The following UAP1 variants were observed in gnomAD, a reference collection of about 807,000 sequenced individuals.
The protein encoded by UAP1 is UDP-N-acetylglucosamine pyrophosphorylase 1.
A neutral mutation model predicts 58.5 loss-of-function variants in UAP1; 25 were observed. The observed-to-expected ratio is 0.43, with a 90% CI of 0.31 to 0.60. UAP1 has a LOEUF of 0.60. Ranked by LOEUF, UAP1 falls within the 20% of genes least tolerant of loss-of-function variation. The pLI, the probability that UAP1 is intolerant of heterozygous loss-of-function variation, is 0.11. For synonymous variants in UAP1, 208 were observed against 213.0 expected (o/e 0.98, Z 0.21); for missense variants, 575 against 630.0 (o/e 0.91, Z 0.93).
chr1:162,570,696 T>C (rs1362288981), intron 2 of UAP1, among the ~76,000 whole-genome samples: 5 of 152,190 alleles, frequency 3.3e-5, no homozygotes, highest in Non-Finnish European at 7.3e-5. Flanking sequence ...TTTGGGGAAA[T>C]ATTGTAGTTT....
At chr1:162,571,176 T>A (rs914459420) in intron 2 of UAP1, among the ~76,000 whole-genome samples, 1 of 151,672 alleles carries the variant, frequency 6.6e-6, no homozygotes, top group East Asian at 1.9e-4. Context: ...TTGCCCAGGC[T>A]GGAGTGCAAT....
intron 2 of UAP1, among the ~76,000 whole-genome samples, chr1:162,576,084 C>T (rs576887468): frequency 1.3e-5 from 2 of 152,300 alleles, no homozygotes; most frequent in South Asian, 4.1e-4. Flanking sequence ...ATACCCCAAG[C>T]GCATTCTGTT....
intron 2 of UAP1, among the ~76,000 whole-genome samples, chr1:162,571,359 A>C (rs2101747828): frequency 6.6e-6 from 1 of 152,038 alleles, no homozygotes; most frequent in South Asian, 2.1e-4. Flanking sequence ...TGAACTCCTG[A>C]CCTCAAGTGA....
rs202234073 is a variant in UAP1, at chr1:162,563,858, T to C, written c.-58+2081T>C. On this transcript the variant is annotated intron_variant, in intron 1 of 10. Coordinates refer to ENST00000271469, the Ensembl canonical transcript of UAP1. ...CATGTGAGAAAGGTTGGTTGTCTTA[T>C]ATTCATGAGGAAATCTATGCACAGG... is the stretch of plus-strand genomic sequence containing the variant. Among the ~76,000 whole-genome samples the C allele has an allele frequency of 8.5e-5, 13 of 152,330 alleles. No homozygotes were observed. In the East Asian group the frequency reaches 2.5e-3, roughly 29 times the overall value.
At chr1:162,567,393 GT>G in intron 2 of UAP1, among the ~76,000 whole-genome samples, 2 of 152,290 alleles carry the variant, frequency 1.3e-5, no homozygotes, top group South Asian at 4.1e-4. Context: ...ATCAATAAGT[GT>G]TTGTTGAATT....
chr1:162,590,800 A>C (rs1443318408), intron 8 of UAP1, among the ~76,000 whole-genome samples: 3 of 151,872 alleles, frequency 2.0e-5, no homozygotes, highest in African/African-American at 7.3e-5. Flanking sequence ...AATGATCAGA[A>C]GATTTTTTTT....
At chr1:162,583,531 A>G (rs192481201) in intron 5 of UAP1, among the ~76,000 whole-genome samples, 23 of 152,282 alleles carry the variant, frequency 1.5e-4, no homozygotes, top group African/African-American at 5.3e-4. Flanking sequence ...ACTTTATGCA[A>G]TCAGAGAGTG....
exon 6 of UAP1, chr1:162,587,592 G>C (rs753137608): frequency 4.3e-6 from 7 of 1,614,048 alleles, no homozygotes; most frequent in Non-Finnish European, 5.9e-6. Flanking sequence ...ACGAAGCTCA[G>C]ACGGACGACT....
At chr1:162,567,805 G>A (rs1451948355) in intron 2 of UAP1, among the ~76,000 whole-genome samples, 1 of 151,856 alleles carries the variant, frequency 6.6e-6, no homozygotes, top group African/African-American at 2.4e-5. Context: ...TTGTTTCTTT[G>A]TGGTTTTTTT....
At chr1:162,566,231 G>A in exon 2 of UAP1, 1 of 1,614,098 alleles carries the variant, frequency 6.2e-7, no homozygotes, top group Non-Finnish European at 8.5e-7. Context: ...GGCCATTGAA[G>A]GTTTTAACCA....
rs111435526 is a variant in UAP1, at chr1:162,573,236, G to GT, written c.281-3535dup. On this transcript the variant is annotated intron_variant, in intron 2 of 10. Transcript: ENST00000271469. ...GAATGTTGGCTCTTCTTGCTCAACAGTTTTTTCATTTAGGATGGTGGGTAA... is the reference window on the plus strand; with the variant it reads ...GAATGTTGGCTCTTCTTGCTCAACAGTTTTTTTCATTTAGGATGGTGGGTAA... Among the ~76,000 whole-genome samples, 583 of 152,050 alleles carry GT rather than the reference G, an allele frequency of 3.8e-3. 2 individuals are homozygous for GT. The highest frequency in any genetic ancestry group is 0.013 in the African/African-American group (551 of 41,506).
chr1:162,571,270 A>G (rs1653847476), intron 2 of UAP1, among the ~76,000 whole-genome samples: 1 of 151,844 alleles, frequency 6.6e-6, no homozygotes, highest in Non-Finnish European at 1.5e-5. Context: ...CTGAGATTAT[A>G]GGCGCCTGCC....
intron 5 of UAP1, among the ~76,000 whole-genome samples, chr1:162,585,777 T>G (rs1247911559): frequency 4.3e-5 from 1 of 23,178 alleles, no homozygotes; most frequent in Non-Finnish European, 8.4e-5. Context: ...AATAAACCTG[T>G]GTGCGTTAAA....
At position 162,564,603 on chromosome 1, in the gene UAP1, C is replaced by T. The variant is rs569897060; in HGVS notation, c.-57-1409C>T. On this transcript the variant is annotated intron_variant, in intron 1 of 10. Transcript: ENST00000271469. ...CTGCAGTTGTCTTTTAACTTCTTTT[C>T]CTGCTTCTAGTTGTCCCTCCTTACA... Among the ~76,000 whole-genome samples, 6 of 152,296 alleles carry T rather than the reference C, an allele frequency of 3.9e-5. No homozygotes were observed. The South Asian group carries it at 1.0e-3, about 26-fold the overall frequency.
intron 1 of UAP1, among the ~76,000 whole-genome samples, chr1:162,563,345 C>T (rs552388803): frequency 1.4e-3 from 210 of 152,142 alleles, no homozygotes; most frequent in African/African-American, 4.7e-3. Context: ...AAAGTTTAAC[C>T]TATGAGGTAC....
At position 162,592,789 on chromosome 1, in the gene UAP1, A is replaced by AT; in HGVS notation, c.1409+8dup. On this transcript the variant is annotated splice_region_variant and intron_variant, in intron 9 of 10. Transcript: ENST00000271469. ...CAGCTGATGTCAATCACAAGTAAAT[A>AT]TACCAGCCTGCCTACAGTGCATGGT... 6.5e-7 allele frequency: 1 copy of AT among 1,549,248 alleles called. No homozygotes were observed. Among genetic ancestry groups the AT allele is most frequent in the South Asian group, 1.2e-5 (1 of 84,036 alleles).
intron 9 of UAP1, among the ~76,000 whole-genome samples, chr1:162,594,071 G>C (rs1655483591): frequency 6.6e-6 from 1 of 152,126 alleles, no homozygotes; most frequent in Admixed American, 6.5e-5. Context: ...ACAGACTTGG[G>C]GTGGTGAGGG....
At chr1:162,599,301 T>C in exon 11 of UAP1, 1 of 1,612,800 alleles carries the variant, frequency 6.2e-7, no homozygotes, top group Non-Finnish European at 8.5e-7. Context: ...AGATAAAGAA[T>C]TCCATGCACC....
Position 162,598,018 on chromosome 1 carries a change from T to C in UAP1, c.1476+160T>C, listed in dbSNP as rs574074824. On this transcript the variant is annotated intron_variant, in intron 10 of 10. Transcript: ENST00000271469. ...TTATTTGATTATTCGACAGTGTATATATGCATTGAATCATCACATTGTATC... is the reference window on the plus strand; with the variant it reads ...TTATTTGATTATTCGACAGTGTATACATGCATTGAATCATCACATTGTATC... 3.3e-5 allele frequency among the ~76,000 whole-genome samples: 5 copies of C among 152,274 alleles called. 1 individual carries two copies. In the South Asian group the frequency reaches 1.0e-3, roughly 32 times the overall value.
Sources: allele counts gnomAD v4.1 joint callset (sites outside exome capture counted in the v4.1 genomes callset), GRCh38; gene constraint gnomAD v4.1.1; transcripts MANE v1.5; gene names NCBI Gene and HGNC (gene_info 2026-07-23, HGNC 2026-07-21).